TMUB2: variants seen among roughly 807,000 people sequenced by gnomAD.
TMUB2 encodes the protein transmembrane and ubiquitin-like domain-containing protein 2.
In TMUB2, 19 loss-of-function variants were observed where a neutral mutation model predicts 20.2. That is an observed-to-expected ratio of 0.94 (90% CI 0.66 to 1.38). The LOEUF (loss-of-function observed/expected upper bound fraction) is 1.38, where lower values mean the gene tolerates loss of function less well. TMUB2 is among the 40% of genes most tolerant of loss of function. The probability of loss-of-function intolerance (pLI) is 0.00; values close to 1 mark genes in which losing one functional copy is unlikely to be tolerated. For missense variants in TMUB2, 426 were observed against 402.5 expected (o/e 1.06, Z -0.50); for synonymous variants, 186 against 166.0 (o/e 1.12, Z -0.92).
At chr17:44,188,841 A>C in intron 2 of TMUB2, 181 bp from the exon 3 acceptor site, 7 of 1,011,048 alleles carry the variant, frequency 6.9e-6, no homozygotes, top group Non-Finnish European at 8.2e-6. Flanking sequence ...GGCAAAGGGT[A>C]GGGTAGGTCT....
At position 44,190,768 on chromosome 17, in the gene TMUB2, CAATT is replaced by C; in HGVS notation, c.872_875del (p.Asn291ThrfsTer23). On this transcript the variant is annotated frameshift_variant, in exon 4 of 4. Coordinates refer to ENST00000538716, the MANE Select transcript of TMUB2 (RefSeq NM_001076674.3). LOFTEE classifies it high-confidence loss of function. ...TGGGTGTGGTCTGGTACTTCCGAAT[CAATT>C]ACCGCCAATTCTTCACAGCACCTGC... The C allele has an allele frequency of 1.2e-6, 2 of 1,614,198 alleles. No homozygotes were observed. The highest frequency in any genetic ancestry group is 2.7e-5 in the African/African-American group (2 of 75,046).
rs200801995 is a variant in TMUB2 at position 44,190,826 on chromosome 17, T to G, written c.928T>G (p.Phe310Val). ...ATVSLVGVTV[F>V]FSFLVFGMYG... is the part of the protein sequence containing the mutation. ...TGTCTCCCTGGTGGGAGTCACCGTC[T>G]TCTTCAGCTTCCTAGTATTTGGGAT... Residue 310 changes from phenylalanine (F) to valine (V), a missense_variant, in exon 4 of 4, where the codon TTC (phenylalanine) becomes GTC (valine). By Grantham distance (50) the Phe-to-Val change is conservative (BLOSUM62 -1). Coordinates refer to ENST00000538716, the MANE Select transcript of TMUB2 (RefSeq NM_001076674.3). 1.7e-5 allele frequency: 27 copies of G among 1,613,794 alleles called. No homozygotes were observed. Among genetic ancestry groups the G allele is most frequent in the East Asian group, 4.5e-5 (2 of 44,900 alleles).
chr17:44,189,660 T>C, intron 3 of TMUB2, 72 bp downstream of exon 3: 1 of 1,397,836 alleles, frequency 7.2e-7, no homozygotes, highest in Non-Finnish European at 9.6e-7. Context: ...AGGAGGCTGG[T>C]GCAGACATGG....
chr17:44,188,916 C>A, intron 2 of TMUB2, 106 bp from the exon 3 acceptor site: 1 of 1,441,148 alleles, frequency 6.9e-7, no homozygotes, highest in Non-Finnish European at 9.1e-7. Flanking sequence ...ACACTGAACT[C>A]CTTTTTTTTT....
intron 3 of TMUB2, 37 bp from the exon 4 acceptor site, chr17:44,190,464 C>T (rs1455359291): frequency 3.9e-6 from 6 of 1,556,818 alleles, no homozygotes; most frequent in African/African-American, 2.7e-5. Flanking sequence ...TCATTCCTCA[C>T]CCTCTATCTT....
chr17:44,187,335 T>C, intron 1 of TMUB2: 1 of 219,362 alleles, frequency 4.6e-6, no homozygotes, highest in Non-Finnish European at 9.3e-6. Flanking sequence ...GGTGGGCCCA[T>C]GGACCCCAGT....
chr17:44,190,672 C>T lies in TMUB2; in HGVS notation c.774C>T (p.Pro258=). Residue 258 remains proline (P), a synonymous_variant, in exon 4 of 4, where the codon CCC becomes CCT. Coordinates refer to ENST00000538716, the MANE Select transcript of TMUB2 (RefSeq NM_001076674.3). The stretch of plus-strand genomic sequence containing the variant: ...CAGGCCCCTCAGCCTCCTTGGCCCC[C>T]TCGGCCACTGAGCCACCCAGCCTTG... ...AVPGPSASLA[P]SATEPPSLGV... 6.2e-7 allele frequency: 1 copy of T among 1,614,236 alleles called. No individual in the cohort carries two copies. Among genetic ancestry groups the T allele is most frequent in the East Asian group, 2.2e-5 (1 of 44,888 alleles).
Position 44,191,024 on chromosome 17 carries a change from C to G in TMUB2, c.*160C>G, listed in dbSNP as rs777322654. ...GGAGGCAAGTATGCGGCCTCCCCTT[C>G]TCATCCACAGGAGTACAGATGTCCC... On this transcript the variant is annotated 3_prime_UTR_variant, in exon 4 of 4. Transcript: ENST00000538716. 3.9e-5 allele frequency: 57 copies of G among 1,454,990 alleles called. No homozygotes were observed. Among genetic ancestry groups the G allele is most frequent in the Non-Finnish European group, 4.9e-5 (54 of 1,110,270 alleles). The allele number at this position is 1,454,990 out of a possible 1,614,324, so 90.1% of individuals were successfully genotyped here.
rs142571127 is a variant in TMUB2, at chr17:44,189,263, A to C, written c.277A>C (p.Asn93His). 116 of 1,607,918 alleles carry C rather than the reference A, an allele frequency of 7.2e-5. No individual in the cohort carries two copies. Among genetic ancestry groups the C allele is most frequent in the Non-Finnish European group, 8.8e-5 (104 of 1,176,406 alleles). ...HVDHLVAGQG[N>H]PEPTELPHPS... The stretch of plus-strand genomic sequence containing the variant: ...GGACCACCTGGTGGCAGGCCAAGGC[A>C]ACCCCGAGCCAACTGAACTCCCCCA... The change falls in exon 3 of 4, where the codon AAC becomes CAC. Residue 93 changes from asparagine to histidine, a missense_variant. Coordinates refer to ENST00000538716, the MANE Select transcript of TMUB2 (RefSeq NM_001076674.3).
In TMUB2 at chr17:44,189,286, C is replaced by A; in HGVS notation, c.300C>A (p.Pro100=). The A allele has an allele frequency of 6.2e-7, 1 of 1,602,740 alleles. No homozygotes were observed. Among genetic ancestry groups the A allele is most frequent in the South Asian group, 1.1e-5 (1 of 89,248 alleles). The stretch of plus-strand genomic sequence containing the variant: ...GCAACCCCGAGCCAACTGAACTCCC[C>A]CATCCATCAGAGGGTAATGATGAGA... ...GQGNPEPTEL[P]HPSEGNDEKA... is the part of the protein sequence containing the mutation. The change falls in exon 3 of 4, where the codon CCC becomes CCA. Residue 100 remains proline (P), a synonymous_variant. Transcript: ENST00000538716.
chr17:44,189,718 T>TA lies in TMUB2; in HGVS notation c.602+131dup, dbSNP rs778145202. ...CCAGCCCCTACCAAGGGCAGGTAGA[T>TA]ACTTTCTTAGAAATACACCCTTCAG... On this transcript the variant is annotated intron_variant, in intron 3 of 3. Transcript: ENST00000538716. 71 of 878,740 alleles carry TA rather than the reference T, an allele frequency of 8.1e-5. 1 individual carries two copies. Among genetic ancestry groups the TA allele is most frequent in the Non-Finnish European group, 1.1e-4 (67 of 605,984 alleles). The allele number at this position is 878,740 out of a possible 1,614,324, so 54.4% of individuals were successfully genotyped here.
intron 3 of TMUB2, 199 bp downstream of exon 3, chr17:44,189,787 T>A (rs904203141): frequency 2.0e-6 from 1 of 501,012 alleles, no homozygotes. Context: ...CCGAGGCGGG[T>A]GCATCACGAG....
Position 44,187,728 on chromosome 17 carries a change from A to T in TMUB2, c.20A>T (p.Gln7Leu). 2 of 718,626 alleles carry T rather than the reference A, an allele frequency of 2.8e-6. No homozygotes were observed. The highest frequency in any genetic ancestry group is 5.4e-5 in the East Asian group (2 of 37,300). The allele number at this position is 718,626 out of a possible 1,614,324, so 44.5% of individuals were successfully genotyped here. Reference protein sequence around the residue: MISRHLQNNLMSVDPAS... With the variant: MISRHLLNNLMSVDPAS... The stretch of plus-strand genomic sequence containing the variant: ...GCTTCGATGATTTCACGTCATCTTC[A>T]AAACAACCTCATGAGGTAGGTACTG... Residue 7 changes from glutamine (Q) to leucine (L), a missense_variant, in exon 2 of 4, where the codon CAA becomes CTA. By Grantham distance (113) the Gln-to-Leu change is moderately radical. Coordinates refer to ENST00000538716, the MANE Select transcript of TMUB2 (RefSeq NM_001076674.3).
chr17:44,191,649 T>C lies in TMUB2; in HGVS notation c.*785T>C, dbSNP rs7089. 0.34 allele frequency: 334,138 copies of C among 985,546 alleles called. 66,481 individuals carry two copies. Among genetic ancestry groups the C allele is most frequent in the African/African-American group, 0.86 (49,110 of 57,272 alleles). 61.1% of individuals were successfully genotyped at this position (985,546 alleles called of 1,614,324 possible). ...CCAACTCCAAGGACTGGGTATGGAT[T>C]GCTGGGCCCTAGGCTCTTGCTTCTG... On this transcript the variant is annotated 3_prime_UTR_variant, in exon 4 of 4. Transcript: ENST00000538716.
At position 44,191,810 on chromosome 17, in the gene TMUB2, A is replaced by G. The variant is rs1268240756; in HGVS notation, c.*946A>G. On this transcript the variant is annotated 3_prime_UTR_variant, in exon 4 of 4. Coordinates refer to ENST00000538716, the MANE Select transcript of TMUB2 (RefSeq NM_001076674.3). ...GAGAGTAGGTAGGCCGGGGCTACCA[A>G]CGGGAGATGCAGTTTATTTACACCA... The G allele has an allele frequency of 1.1e-6, 1 of 883,038 alleles. No individual in the cohort carries two copies. Among genetic ancestry groups the G allele is most frequent in the East Asian group, 1.2e-4 (1 of 8,288 alleles). The allele number at this position is 883,038 out of a possible 1,614,324, so 54.7% of individuals were successfully genotyped here.
At chr17:44,190,462 C>G (rs761089909) in intron 3 of TMUB2, 39 bp from the exon 4 acceptor site, 1 of 1,547,058 alleles carries the variant, frequency 6.5e-7, no homozygotes, top group South Asian at 1.3e-5. Context: ...TCTCATTCCT[C>G]ACCCTCTATC....
Position 44,189,092 on chromosome 17 carries a change from G to T in TMUB2, c.106G>T (p.Val36Leu). Residue 36 changes from valine to leucine, a missense_variant, in exon 3 of 4, where the codon GTG becomes TTG. Val to Leu is a conservative substitution (Grantham distance 32). Coordinates refer to ENST00000538716, the MANE Select transcript of TMUB2 (RefSeq NM_001076674.3). ...CCTCATTGAGGGTGTGGGTAATGAG[G>T]TGATGGTGGTGGCAGGTGTGGTGGT... ...VTLIEGVGNE[V>L]MVVAGVVVLI... is the part of the protein sequence containing the mutation. 1 of 1,614,126 alleles carries T rather than the reference G, an allele frequency of 6.2e-7. No homozygotes were observed. The highest frequency in any genetic ancestry group is 8.5e-7 in the Non-Finnish European group (1 of 1,180,022).
rs142473401 is a variant in TMUB2 at position 44,190,598 on chromosome 17, G to A, written c.700G>A (p.Asp234Asn). The change falls in exon 4 of 4, where the codon GAC (aspartate) becomes AAC (asparagine). Residue 234 changes from aspartate (D) to asparagine (N), a missense_variant. By Grantham distance (23) the Asp-to-Asn change is conservative (BLOSUM62 1). Coordinates refer to ENST00000538716, the MANE Select transcript of TMUB2 (RefSeq NM_001076674.3). ...CACACTGCGTTCTCTGAACATTACC[G>A]ACAACTGTGTGATTCACTGCCACCG... The part of the protein sequence containing the change: ...ARTLRSLNIT[D>N]NCVIHCHRSP... The A allele has an allele frequency of 3.3e-5, 54 of 1,614,016 alleles. No homozygotes were observed. In the African/African-American group the frequency reaches 4.7e-4, roughly 14 times the overall value.
Position 44,190,786 on chromosome 17 carries a change from C to G in TMUB2, c.888C>G (p.Phe296Leu). The change falls in exon 4 of 4, where the codon TTC (phenylalanine) becomes TTG (leucine). Residue 296 changes from phenylalanine to leucine, a missense_variant. By Grantham distance (22) the Phe-to-Leu change is conservative. Coordinates refer to ENST00000538716, the MANE Select transcript of TMUB2 (RefSeq NM_001076674.3). ...TCCGAATCAATTACCGCCAATTCTT[C>G]ACAGCACCTGCCACTGTCTCCCTGG... is the stretch of plus-strand genomic sequence containing the variant. ...WYFRINYRQF[F>L]TAPATVSLVG... The G allele has an allele frequency of 6.2e-7, 1 of 1,614,140 alleles. No homozygotes were observed. Among genetic ancestry groups the G allele is most frequent in the South Asian group, 1.1e-5 (1 of 91,084 alleles).
Sources: gnomAD v4.1 joint callset for allele counts on GRCh38, gnomAD v4.1.1 for gene constraint, MANE v1.5 for transcripts, NCBI Gene and HGNC (gene_info 2026-07-23, HGNC 2026-07-21) for gene names.